The following WDR20 variants were observed in gnomAD, a reference collection of about 807,000 sequenced individuals.
WDR20 encodes WD repeat-containing protein 20.
WDR20 carries 3 observed loss-of-function variants against 38.7 expected under a neutral mutation model. That is an observed-to-expected ratio of 0.08 (90% CI 0.04 to 0.20). The LOEUF (loss-of-function observed/expected upper bound fraction) is 0.20. WDR20 is among the 10% of genes least tolerant of loss of function. The probability of loss-of-function intolerance (pLI) is 1.00; values close to 1 mark genes in which losing one functional copy is unlikely to be tolerated. For missense variants in WDR20, 559 were observed against 727.7 expected (o/e 0.77, Z 2.67); for synonymous variants, 298 against 285.6 (o/e 1.04, Z -0.44).
At chr14:102,188,295 G>C (rs2065377895) in intron 1 of WDR20, among the ~76,000 whole-genome samples, 1 of 152,160 alleles carries the variant, frequency 6.6e-6, no homozygotes, top group Non-Finnish European at 1.5e-5. Context: ...CCCCTACTGA[G>C]GCCCACTAAG....
intron 1 of WDR20, among the ~76,000 whole-genome samples, chr14:102,193,798 C>T (rs1167860162): frequency 6.6e-6 from 1 of 152,038 alleles, no homozygotes; most frequent in Non-Finnish European, 1.5e-5. Context: ...CCGGGAGCCC[C>T]AGAGGGCCAC....
chr14:102,160,202 A>G (rs1444890826), intron 1 of WDR20, among the ~76,000 whole-genome samples: 1 of 152,202 alleles, frequency 6.6e-6, no homozygotes, highest in African/African-American at 2.4e-5. Context: ...ATTGAGTTGT[A>G]CAATTATCAC....
intron 1 of WDR20, among the ~76,000 whole-genome samples, chr14:102,144,704 GT>G (rs111231447): frequency 0.096 from 13,754 of 143,458 alleles, 1,090 homozygotes; most frequent in African/African-American, 0.23. Flanking sequence ...TTTTTGTTTT[GT>G]TTTTTTTTTT....
intron 1 of WDR20, among the ~76,000 whole-genome samples, chr14:102,179,409 TCTAA>T (rs940889927): frequency 1.3e-5 from 2 of 148,458 alleles, no homozygotes; most frequent in Non-Finnish European, 3.0e-5. Flanking sequence ...CCTCTGAACT[TCTAA>T]CTTTTTTTTA....
chr14:102,167,671 G>A lies in WDR20; in HGVS notation c.250-27267G>A, dbSNP rs78887177. On this transcript the variant is annotated intron_variant, in intron 1 of 2. Coordinates refer to ENST00000342702, the MANE Select transcript of WDR20 (RefSeq NM_144574.4). The stretch of plus-strand genomic sequence containing the variant: ...TTACCCTGACCTTCAGACTAGATCC[G>A]GTCTCCCTGTTACCGTCTACCAAGT... The A allele has an allele frequency of 9.9e-5, 15 of 152,150 alleles. No homozygotes were observed. In the East Asian group the frequency reaches 2.3e-3, roughly 23 times the overall value. The allele number at this position is 152,150 out of a possible 1,614,324, so 9.4% of individuals were successfully genotyped here. A position where few individuals can be genotyped will look rare whatever the true frequency, so the allele number is the denominator to read the frequency against.
downstream of WDR20, among the ~76,000 whole-genome samples, chr14:102,224,121 A>C (rs948658217): frequency 6.1e-5 from 9 of 147,102 alleles, no homozygotes; most frequent in Non-Finnish European, 1.0e-4. Context: ...GGCTCACTGC[A>C]AGCTCCGCCT....
chr14:102,212,444 G>C, downstream of WDR20: 16 of 1,492,260 alleles, frequency 1.1e-5, no homozygotes, highest in South Asian at 1.9e-4. Context: ...CTCAGCCCAG[G>C]CTGGCCCAGG....
rs115851759 is a variant in WDR20 at position 102,148,604 on chromosome 14, G to A, written c.249+8432G>A. On this transcript the variant is annotated intron_variant, in intron 1 of 2. Transcript: ENST00000342702. Reference sequence around the variant, plus strand: ...TTTATTGATGACTGGTATATACAAGGCACTGCTGTCTATTGTGGCGGATGT... The same window carrying A: ...TTTATTGATGACTGGTATATACAAGACACTGCTGTCTATTGTGGCGGATGT... Among the ~76,000 whole-genome samples the A allele has an allele frequency of 7.3e-3, 1,107 of 151,694 alleles. 11 individuals are homozygous for A. The highest frequency in any genetic ancestry group is 0.026 in the African/African-American group (1,059 of 41,300).
chr14:102,194,726 C>G (rs908688288), intron 1 of WDR20, among the ~76,000 whole-genome samples: 1 of 152,188 alleles, frequency 6.6e-6, no homozygotes, highest in Non-Finnish European at 1.5e-5. Context: ...CAGTTGTAAA[C>G]ATATTATAGA....
At chr14:102,157,984 G>T (rs1007492694) in intron 1 of WDR20, among the ~76,000 whole-genome samples, 21 of 152,060 alleles carry the variant, frequency 1.4e-4, no homozygotes, top group African/African-American at 5.1e-4. Flanking sequence ...GATTGTATCA[G>T]TGCTGTCTCG....
intron 1 of WDR20, among the ~76,000 whole-genome samples, chr14:102,162,041 C>G (rs888844105): frequency 6.6e-6 from 1 of 152,138 alleles, no homozygotes; most frequent in African/African-American, 2.4e-5. Context: ...CTTGATTGCT[C>G]TGGAGACTAC....
At chr14:102,159,795 C>T (rs1311725337) in intron 1 of WDR20, among the ~76,000 whole-genome samples, 1 of 151,924 alleles carries the variant, frequency 6.6e-6, no homozygotes, top group Non-Finnish European at 1.5e-5. Flanking sequence ...GATCAAGCCA[C>T]TGCACTCCAG....
intron 1 of WDR20, among the ~76,000 whole-genome samples, chr14:102,188,281 A>C (rs981086536): frequency 6.6e-6 from 1 of 152,190 alleles, no homozygotes; most frequent in Admixed American, 6.5e-5. Context: ...AGGCTTCCCA[A>C]AGCCCCCTAC....
Position 102,221,288 on chromosome 14 carries a change from G to A in WDR20, c.1693-1542G>A, listed in dbSNP as rs886946462. Among the ~76,000 whole-genome samples, 8 of 152,208 alleles carry A rather than the reference G, an allele frequency of 5.3e-5. No homozygotes were observed. The highest frequency in any genetic ancestry group is 1.2e-4 in the Non-Finnish European group (8 of 68,042). On this transcript the variant is annotated intron_variant, in intron 3 of 3. Coordinates refer to the WDR20 transcript ENST00000335263. This position sits in a 1 kb window ranked among gnomAD's most constrained non-coding sequence, Gnocchi z 4.8. The stretch of plus-strand genomic sequence containing the variant: ...AGGAGTAGATGACTTTTCTGTTGCC[G>A]GGGGGAAGGGAGGTGCCTCCTGGTT...
intron 2 of WDR20, among the ~76,000 whole-genome samples, chr14:102,200,362 C>T (rs928280277): frequency 6.6e-6 from 1 of 152,118 alleles, no homozygotes; most frequent in Non-Finnish European, 1.5e-5. Flanking sequence ...GGAGCGTGTC[C>T]TCATCATCAG....
intron 1 of WDR20, among the ~76,000 whole-genome samples, chr14:102,193,988 G>A (rs1030891248): frequency 1.3e-5 from 2 of 152,202 alleles, no homozygotes; most frequent in Non-Finnish European, 2.9e-5. Flanking sequence ...TGAAAGTGGG[G>A]AGGGCACATT....
chr14:102,143,405 TAA>T (rs2052231208), intron 1 of WDR20, among the ~76,000 whole-genome samples: 1 of 152,290 alleles, frequency 6.6e-6, no homozygotes, highest in Non-Finnish European at 1.5e-5. Flanking sequence ...AACATTGATT[TAA>T]TACTGACACT....
intron 1 of WDR20, among the ~76,000 whole-genome samples, chr14:102,158,076 G>T (rs994516432): frequency 1.3e-5 from 2 of 151,974 alleles, no homozygotes; most frequent in African/African-American, 2.4e-5. Context: ...CCCTGTTCCA[G>T]TGCAGTGAGC....
At chr14:102,199,859 T>A (rs1258929949) in intron 2 of WDR20, among the ~76,000 whole-genome samples, 1 of 152,248 alleles carries the variant, frequency 6.6e-6, no homozygotes, top group East Asian at 1.9e-4. Flanking sequence ...TGCTTGTTGA[T>A]AGAAAAATTG....
Sources: allele counts gnomAD v4.1 joint callset (sites outside exome capture counted in the v4.1 genomes callset), GRCh38; gene constraint gnomAD v4.1.1; non-coding constraint Gnocchi (gnomAD v3.1); transcripts MANE v1.5; gene names NCBI Gene and HGNC (gene_info 2026-07-23, HGNC 2026-07-21).